ULK4: variants seen among roughly 807,000 people sequenced by gnomAD.
ULK4 encodes the protein inactive serine/threonine-protein kinase ULK4.
Under a neutral mutation model 160.6 loss-of-function variants are expected in ULK4, and 133 were observed. The ratio of observed to expected loss-of-function variants is 0.83; its 90% CI spans 0.72 to 0.96. The LOEUF (loss-of-function observed/expected upper bound fraction) is 0.96, where lower values mean the gene tolerates loss of function less well. ULK4 is among the 40% of genes least tolerant of loss of function. The pLI, the probability that ULK4 is intolerant of heterozygous loss-of-function variation, is 0.00. For missense variants in ULK4, 1,580 were observed against 1,499.5 expected (o/e 1.05, Z -0.89); for synonymous variants, 534 against 539.8 (o/e 0.99, Z 0.15).
intron 1 of ULK4, among the ~76,000 whole-genome samples, chr3:41,957,093 G>T (rs1326448715): frequency 1.3e-5 from 2 of 152,108 alleles, no homozygotes; most frequent in Non-Finnish European, 2.9e-5. Flanking sequence ...ATCTTATTTA[G>T]AATTTCAGTT....
chr3:41,776,265 T>G (rs1362497468), intron 21 of ULK4, among the ~76,000 whole-genome samples: 1 of 151,146 alleles, frequency 6.6e-6, no homozygotes, highest in Non-Finnish European at 1.5e-5. Flanking sequence ...TCACATTCTA[T>G]GCCCATTTTG....
At chr3:41,731,187 G>A (rs1321953343) in intron 22 of ULK4, among the ~76,000 whole-genome samples, 1 of 151,374 alleles carries the variant, frequency 6.6e-6, no homozygotes, top group African/African-American at 2.4e-5. Flanking sequence ...GAAAGAAAGG[G>A]CATCCAAACT....
chr3:41,823,281 T>A (rs2041210866), intron 18 of ULK4, among the ~76,000 whole-genome samples: 1 of 152,034 alleles, frequency 6.6e-6, no homozygotes, highest in Non-Finnish European at 1.5e-5. Flanking sequence ...ATAGTGGGTT[T>A]AAGGAACTGT....
At chr3:41,798,399 T>C (rs373161224) in intron 20 of ULK4, among the ~76,000 whole-genome samples, 363 of 152,308 alleles carry the variant, frequency 2.4e-3, no homozygotes, top group South Asian at 9.9e-3. Context: ...CCATAATTAG[T>C]TGTGGGTTTT....
chr3:41,415,328 C>T (rs1301079000), intron 34 of ULK4, among the ~76,000 whole-genome samples: 1 of 152,142 alleles, frequency 6.6e-6, no homozygotes, highest in Non-Finnish European at 1.5e-5. Context: ...TCTGTCACCA[C>T]TGGATGAGAG....
intron 16 of ULK4, among the ~76,000 whole-genome samples, chr3:41,888,046 T>C (rs59873855): frequency 0.18 from 27,810 of 151,688 alleles, 2,914 homozygotes; most frequent in African/African-American, 0.28. Context: ...CATGGTAACA[T>C]GCACCTGTAG....
intron 34 of ULK4, among the ~76,000 whole-genome samples, chr3:41,448,413 C>T (rs922419626): frequency 6.6e-6 from 1 of 152,104 alleles, no homozygotes; most frequent in Non-Finnish European, 1.5e-5. Context: ...AGAGTTGGTG[C>T]ACAGAACATA....
chr3:41,248,168 G>A (rs776385775), intron 36 of ULK4, among the ~76,000 whole-genome samples: 8 of 152,138 alleles, frequency 5.3e-5, no homozygotes, highest in Non-Finnish European at 1.0e-4. Context: ...AGAGCGAAGG[G>A]GCTCTCTAGA....
intron 17 of ULK4, among the ~76,000 whole-genome samples, chr3:41,883,001 A>T (rs1226715891): frequency 6.6e-6 from 1 of 152,182 alleles, no homozygotes; most frequent in Non-Finnish European, 1.5e-5. Context: ...CAAAAAAGGA[A>T]AAATTTAGAC....
At chr3:41,493,512 A>T (rs2084871489) in intron 32 of ULK4, among the ~76,000 whole-genome samples, 1 of 122,638 alleles carries the variant, frequency 8.2e-6, no homozygotes, top group Non-Finnish European at 1.8e-5. Flanking sequence ...CATCACAATT[A>T]AAAGAACTAG....
At chr3:41,781,412 A>G (rs2039837310) in intron 21 of ULK4, among the ~76,000 whole-genome samples, 1 of 140,632 alleles carries the variant, frequency 7.1e-6, no homozygotes, top group Admixed American at 7.1e-5. Context: ...GCGAGACTCC[A>G]TCTTAAAAAA....
At chr3:41,464,602 A>C (rs1168890520) in intron 32 of ULK4, among the ~76,000 whole-genome samples, 1 of 152,202 alleles carries the variant, frequency 6.6e-6, no homozygotes, top group Non-Finnish European at 1.5e-5. Context: ...ACCCATGTAC[A>C]GGCTATGAAT....
chr3:41,888,471 C>T (rs1305500471), intron 16 of ULK4, among the ~76,000 whole-genome samples: 1 of 152,150 alleles, frequency 6.6e-6, no homozygotes. Context: ...GACAGACGTT[C>T]CCAAGGAAGC....
At chr3:41,902,997 G>A (rs1698428565) in intron 12 of ULK4, among the ~76,000 whole-genome samples, 1 of 152,130 alleles carries the variant, frequency 6.6e-6, no homozygotes, top group South Asian at 2.1e-4. Context: ...TGGATGGAGG[G>A]GAGCAATGGA....
chr3:41,635,689 T>C (rs2033925533), intron 30 of ULK4, among the ~76,000 whole-genome samples: 1 of 152,168 alleles, frequency 6.6e-6, no homozygotes, highest in Admixed American at 6.5e-5. Flanking sequence ...AACAACTCTA[T>C]GAGGTTAAGC....
chr3:41,401,505 A>G (rs573193369), intron 34 of ULK4, among the ~76,000 whole-genome samples: 10 of 152,298 alleles, frequency 6.6e-5, no homozygotes, highest in African/African-American at 2.4e-4. Flanking sequence ...ATCTGACATC[A>G]GTTCCGTGTT....
intron 31 of ULK4, among the ~76,000 whole-genome samples, chr3:41,576,977 C>T (rs2088211776): frequency 1.3e-5 from 2 of 152,186 alleles, no homozygotes; most frequent in South Asian, 2.1e-4. Flanking sequence ...AGATTAATTA[C>T]ACACAATTAT....
chr3:41,813,557 A>G (rs1208308686), intron 19 of ULK4, among the ~76,000 whole-genome samples: 1 of 152,210 alleles, frequency 6.6e-6, no homozygotes, highest in Non-Finnish European at 1.5e-5. Flanking sequence ...AGTACTAGAA[A>G]TGCTAGCCAT....
intron 27 of ULK4, among the ~76,000 whole-genome samples, chr3:41,699,616 C>T (rs1313475828): frequency 6.6e-6 from 1 of 152,304 alleles, no homozygotes; most frequent in Non-Finnish European, 1.5e-5. Context: ...TGGGAAAAAT[C>T]TGAATTAAGA....
Sources: gnomAD v4.1 joint callset for allele counts (sites outside exome capture counted in the v4.1 genomes callset) on GRCh38, gnomAD v4.1.1 for gene constraint, MANE v1.5 for transcripts, NCBI Gene and HGNC (gene_info 2026-07-23, HGNC 2026-07-21) for gene names.